The following GSE1 variants were observed in gnomAD, a reference collection of about 807,000 sequenced individuals.
GSE1 encodes the protein genetic suppressor element 1.
GSE1 carries 32 observed loss-of-function variants against 112.6 expected under a neutral mutation model. That is an observed-to-expected ratio of 0.28 (90% CI 0.21 to 0.38). The LOEUF (loss-of-function observed/expected upper bound fraction) is 0.38. Ranked by LOEUF, GSE1 falls within the 10% of genes least tolerant of loss-of-function variation. The probability of loss-of-function intolerance (pLI) is 1.00; values close to 1 mark genes in which losing one functional copy is unlikely to be tolerated. For synonymous variants in GSE1, 1,115 were observed against 735.6 expected (o/e 1.52, Z -8.35); for missense variants, 2,348 against 1,699.2 (o/e 1.38, Z -6.71).
In GSE1 at chr16:85,601,995, C is replaced by T. The variant is rs372417948; in HGVS notation, c.37+45632C>T. Reference sequence around the variant, plus strand: ...ATTTGTCAGGAGCACTGGGAGGCGGCGGGGAGGGAGAGGGAGAAGACGGGC... The same window carrying T: ...ATTTGTCAGGAGCACTGGGAGGCGGTGGGGAGGGAGAGGGAGAAGACGGGC... On this transcript the variant is annotated intron_variant, in intron 1 of 2. Transcript: ENST00000635906. 2.9e-4 allele frequency among the ~76,000 whole-genome samples: 44 copies of T among 152,252 alleles called. No homozygotes were observed. The South Asian group carries it at 8.5e-3, about 29-fold the overall frequency.
In GSE1 at chr16:85,617,055, C is replaced by T. The variant is rs545417988; in HGVS notation, c.7+3657C>T. On this transcript the variant is annotated intron_variant, in intron 1 of 15. Coordinates refer to ENST00000253458, the MANE Select transcript of GSE1 (RefSeq NM_014615.5). ...GCCAGACGAAACCACACGCCATTCT[C>T]GCCACTCCTGCGTTTGGCCACGTCC... Among the ~76,000 whole-genome samples, 8 of 152,342 alleles carry T rather than the reference C, an allele frequency of 5.3e-5. No individual in the cohort carries two copies. The South Asian group carries it at 8.3e-4, about 16-fold the overall frequency.
rs375207420 is a variant in GSE1, at chr16:85,382,292, C to T, written c.2464+24649C>T. 2.2e-4 allele frequency among the ~76,000 whole-genome samples: 34 copies of T among 152,336 alleles called. No homozygotes were observed. In the East Asian group the frequency reaches 2.7e-3, roughly 12 times the overall value. ...TCTGGGCTCTTCCTTTACTTGCAAA[C>T]CGTGACTGTGGTGGGGGCAGGGACG... On this transcript the variant is annotated intron_variant, in intron 2 of 2. Coordinates refer to the GSE1 transcript ENST00000637419.
chr16:85,262,893 C>T (rs1275818140), intron 1 of GSE1, among the ~76,000 whole-genome samples: 1 of 152,222 alleles, frequency 6.6e-6, no homozygotes, highest in East Asian at 1.9e-4. Context: ...TGTTAATTGA[C>T]TACCGACTGT....
rs373351584 is a variant in GSE1 at position 85,661,598 on chromosome 16, C to T, written c.2093C>T (p.Thr698Ile). The change falls in exon 9 of 16, where the codon ACC becomes ATC. Residue 698 changes from threonine to isoleucine, a missense_variant. Coordinates refer to ENST00000253458, the MANE Select transcript of GSE1 (RefSeq NM_014615.5). Reference sequence around the variant, plus strand: ...CGGGCCTCCCTCCCACAGGCGGCCACCTTCGGGGAGCTCAGCGGACCCCTG... The same window carrying T: ...CGGGCCTCCCTCCCACAGGCGGCCATCTTCGGGGAGCTCAGCGGACCCCTG... Reference protein sequence around the residue: ...QQRASLPQAATFGELSGPLKP... With the variant: ...QQRASLPQAAIFGELSGPLKP... The T allele has an allele frequency of 6.2e-7, 1 of 1,610,528 alleles. No homozygotes were observed. Among genetic ancestry groups the T allele is most frequent in the Non-Finnish European group, 8.5e-7 (1 of 1,179,158 alleles).
intron 3 of GSE1, among the ~76,000 whole-genome samples, 159 bp from the exon 4 acceptor site, chr16:85,654,119 C>T (rs1457777347): frequency 2.0e-5 from 3 of 152,172 alleles, no homozygotes; most frequent in Non-Finnish European, 4.4e-5. Flanking sequence ...CTTCCCACAC[C>T]ACATGCACCA....
At chr16:85,359,465 A>T (rs1291654118) in intron 2 of GSE1, 1 of 454,012 alleles carries the variant, frequency 2.2e-6, no homozygotes, top group African/African-American at 2.0e-5. Flanking sequence ...TATCTGAGGG[A>T]CCTTTGGCAA....
At chr16:85,292,324 T>G (rs377439328) in intron 1 of GSE1, among the ~76,000 whole-genome samples, 126 of 49,266 alleles carry the variant, frequency 2.6e-3, no homozygotes, top group African/African-American at 8.9e-3. Context: ...GTTTTTTTGT[T>G]TTTGTTTTTT....
chr16:85,281,692 G>T (rs942329725), intron 1 of GSE1, among the ~76,000 whole-genome samples: 14 of 152,180 alleles, frequency 9.2e-5, no homozygotes, highest in African/African-American at 3.4e-4. Flanking sequence ...GCAAAACCAA[G>T]GTGCATGGAC....
At chr16:85,194,389 C>T (rs986139277) in intron 1 of GSE1, among the ~76,000 whole-genome samples, 10 of 152,174 alleles carry the variant, frequency 6.6e-5, no homozygotes, top group Non-Finnish European at 1.2e-4. Flanking sequence ...GGGACTATTT[C>T]TTCTAGATGT....
At chr16:85,464,711 C>T (rs1244146049) in intron 2 of GSE1, among the ~76,000 whole-genome samples, 1 of 152,234 alleles carries the variant, frequency 6.6e-6, no homozygotes, top group East Asian at 1.9e-4. Context: ...CCTCCTCTGC[C>T]ACACCAACTC....
intron 1 of GSE1, among the ~76,000 whole-genome samples, chr16:85,626,827 G>T (rs914713811): frequency 6.6e-6 from 1 of 152,044 alleles, no homozygotes; most frequent in African/African-American, 2.4e-5. Flanking sequence ...CCAGCCTCGT[G>T]GGGAGGGGGA....
Position 85,286,268 on chromosome 16 carries a change from G to T in GSE1, c.2284-71195G>T, listed in dbSNP as rs145614381. Reference sequence around the variant, plus strand: ...GGGGTTCAGGCGGGTCGGCCCACGGGCTGGCAGAGGCTCTCCGTGTCCTTG... The same window carrying T: ...GGGGTTCAGGCGGGTCGGCCCACGGTCTGGCAGAGGCTCTCCGTGTCCTTG... On this transcript the variant is annotated intron_variant, in intron 1 of 2. Coordinates refer to the GSE1 transcript ENST00000637419. Among the ~76,000 whole-genome samples the T allele has an allele frequency of 2.1e-3, 322 of 152,346 alleles. 1 individual carries two copies. Among genetic ancestry groups the T allele is most frequent in the Middle Eastern group, 3.4e-3 (1 of 294 alleles).
chr16:85,380,374 G>A (rs1263261214), intron 2 of GSE1, among the ~76,000 whole-genome samples: 1 of 152,170 alleles, frequency 6.6e-6, no homozygotes, highest in Non-Finnish European at 1.5e-5. Context: ...TCTAAATTGT[G>A]GCAGTGCTAA....
At chr16:85,407,857 A>C (rs1280538363) in intron 2 of GSE1, among the ~76,000 whole-genome samples, 1 of 14,536 alleles carries the variant, frequency 6.9e-5, no homozygotes. Flanking sequence ...CCTCACCGTT[A>C]CACTCAGGCC....
At chr16:85,576,533 T>G (rs74031848) in intron 1 of GSE1, among the ~76,000 whole-genome samples, 4,875 of 152,260 alleles carry the variant, frequency 0.032, 257 homozygotes, top group African/African-American at 0.11. Flanking sequence ...GGGCCGCATG[T>G]CTTCCTCTAG....
At chr16:85,624,538 G>T (rs934493184) in intron 1 of GSE1, among the ~76,000 whole-genome samples, 2 of 152,250 alleles carry the variant, frequency 1.3e-5, no homozygotes, top group Non-Finnish European at 1.5e-5. Flanking sequence ...AGCTGCCACA[G>T]GGAGGGGACC....
intron 2 of GSE1, among the ~76,000 whole-genome samples, chr16:85,467,728 G>T (rs7188035): frequency 0.029 from 4,457 of 152,222 alleles, 212 homozygotes; most frequent in African/African-American, 0.1. Context: ...GCCACCAAAG[G>T]CTGCCCGGGT....
chr16:85,611,176 G>A (rs1053868220), upstream of GSE1, among the ~76,000 whole-genome samples: 2 of 152,202 alleles, frequency 1.3e-5, no homozygotes, highest in African/African-American at 2.4e-5. Flanking sequence ...AATCCAGGTG[G>A]GAAAGGGGTT....
chr16:85,352,691 G>T (rs535877602), intron 1 of GSE1, among the ~76,000 whole-genome samples: 1 of 152,178 alleles, frequency 6.6e-6, no homozygotes, highest in Non-Finnish European at 1.5e-5. Flanking sequence ...GAGAACTTTT[G>T]TCTCCACCTT....
Sources: allele counts gnomAD v4.1 joint callset (sites outside exome capture counted in the v4.1 genomes callset), GRCh38; gene constraint gnomAD v4.1.1; transcripts MANE v1.5; gene names NCBI Gene and HGNC (gene_info 2026-07-23, HGNC 2026-07-21).